The following ACSF2 variants were observed in gnomAD, a reference collection of about 807,000 sequenced individuals.
ACSF2 encodes the protein medium-chain acyl-CoA ligase ACSF2, mitochondrial.
ACSF2 carries 52 observed loss-of-function variants against 79.3 expected under a neutral mutation model. The observed-to-expected ratio is 0.66, with a 90% CI of 0.53 to 0.83. ACSF2 has a LOEUF of 0.83. Among genes scored for constraint, ACSF2 ranks in the 40% least tolerant of loss-of-function variants. The pLI is 0.00. For synonymous variants in ACSF2, 283 were observed against 312.6 expected, an observed-to-expected ratio of 0.91 and a Z score of 1.00; for missense variants, 661 against 803.3, an observed-to-expected ratio of 0.82 and a Z score of 2.14.
intron 10 of ACSF2, chr17:50,468,538 G>C: frequency 6.2e-7 from 1 of 1,614,254 alleles, no homozygotes; most frequent in Non-Finnish European, 8.5e-7. Flanking sequence ...GGAAGGCACC[G>C]GCGGCCACCT....
At chr17:50,468,435 A>C in intron 10 of ACSF2, 2 of 1,614,246 alleles carry the variant, frequency 1.2e-6, no homozygotes, top group Non-Finnish European at 1.7e-6. Flanking sequence ...AGGTAGAGGT[A>C]GGTCAGCTCG....
In ACSF2 at chr17:50,474,012, C is replaced by T; in HGVS notation, c.1728+8C>T. ...GCTTTCTGCAAAGGGAAGGTGGGAG[C>T]CTCCGCTCAACCTAGCTGATGCTGC... On this transcript the variant is annotated splice_region_variant and intron_variant, in intron 14 of 15. Transcript: ENST00000300441. This position sits in a 1 kb window ranked among gnomAD's most constrained non-coding sequence, Gnocchi z 4.2. The T allele has an allele frequency of 6.6e-7, 1 of 1,517,228 alleles. No individual in the cohort carries two copies. The highest frequency in any genetic ancestry group is 8.8e-7 in the Non-Finnish European group (1 of 1,132,052). The allele number at this position is 1,517,228 out of a possible 1,614,324, so 94.0% of individuals were successfully genotyped here. A position where few individuals can be genotyped will look rare whatever the true frequency, so the allele number is the denominator to read the frequency against.
At chr17:50,432,261 A>G (rs537640444) in intron 1 of ACSF2, among the ~76,000 whole-genome samples, 1 of 152,344 alleles carries the variant, frequency 6.6e-6, no homozygotes, top group African/African-American at 2.4e-5. Context: ...CCCATAAGAA[A>G]ATGCTTAACA....
intron 5 of ACSF2, 42 bp downstream of exon 5, chr17:50,462,344 T>G (rs752230148): frequency 2.5e-6 from 4 of 1,612,086 alleles, no homozygotes. Context: ...TCATTCAGCA[T>G]CCCTGATTCC....
Position 50,429,722 on chromosome 17 carries a change from T to C in ACSF2, c.128+3333T>C, listed in dbSNP as rs535047582. 9.1e-4 allele frequency among the ~76,000 whole-genome samples: 139 copies of C among 152,252 alleles called. 1 individual carries two copies. The highest frequency in any genetic ancestry group is 3.2e-3 in the African/African-American group (135 of 41,544). On this transcript the variant is annotated intron_variant, in intron 1 of 15. Transcript: ENST00000300441. ...TAGTGGAGATGGGGTTTCACCATGT[T>C]GGTCAGACTAGTCTCAAACTCCTGA...
chr17:50,426,258 A>G lies in ACSF2; in HGVS notation c.-4A>G. 1 of 1,373,890 alleles carries G rather than the reference A, an allele frequency of 7.3e-7. No individual in the cohort carries two copies. The highest frequency in any genetic ancestry group is 9.5e-7 in the Non-Finnish European group (1 of 1,056,656). 85.1% of individuals were successfully genotyped at this position (1,373,890 alleles called of 1,614,324 possible). On this transcript the variant is annotated 5_prime_UTR_variant, in exon 1 of 16. Coordinates refer to ENST00000300441, the MANE Select transcript of ACSF2 (RefSeq NM_025149.6). Reference sequence around the variant, plus strand: ...TCGGGCCGGGACGCAGGGCAAAGCGAGCCATGGCTGTCTACGTCGGGATGC... The same window carrying G: ...TCGGGCCGGGACGCAGGGCAAAGCGGGCCATGGCTGTCTACGTCGGGATGC...
intron 1 of ACSF2, among the ~76,000 whole-genome samples, chr17:50,431,099 G>T (rs552690392): frequency 1.3e-5 from 2 of 152,202 alleles, no homozygotes; most frequent in Non-Finnish European, 2.9e-5. Flanking sequence ...ATTTATGAAT[G>T]ATTTGGTAAC....
At chr17:50,429,591 G>C (rs1414817707) in intron 1 of ACSF2, among the ~76,000 whole-genome samples, 1 of 151,686 alleles carries the variant, frequency 6.6e-6, no homozygotes, top group African/African-American at 2.4e-5. Context: ...ATGATCTCAG[G>C]TCACTGTAAC....
chr17:50,440,321 C>T (rs1257305483), intron 1 of ACSF2, among the ~76,000 whole-genome samples: 1 of 152,222 alleles, frequency 6.6e-6, no homozygotes, highest in Non-Finnish European at 1.5e-5. Context: ...GTCCTTCATC[C>T]TCCCTCCCCA....
chr17:50,460,832 A>G lies in ACSF2; in HGVS notation c.284A>G (p.His95Arg). ...GAACGAGAGGCCTTGGTCGTCCTCC[A>G]TGAAGACGTCAGGTTGACCTTTGCC... ...VPEREALVVL[H>R]EDVRLTFAQL... Residue 95 changes from histidine to arginine, a missense_variant, in exon 2 of 16, where the codon CAT becomes CGT. His to Arg is a conservative substitution (Grantham distance 29). Coordinates refer to ENST00000300441, the MANE Select transcript of ACSF2 (RefSeq NM_025149.6). The G allele has an allele frequency of 2.5e-6, 4 of 1,611,734 alleles. No individual in the cohort carries two copies. The highest frequency in any genetic ancestry group is 2.2e-5 in the East Asian group (1 of 44,820).
At position 50,444,004 on chromosome 17, in the gene ACSF2, T is replaced by C. The variant is rs532597257; in HGVS notation, c.129-16673T>C. Among the ~76,000 whole-genome samples, 45 of 152,338 alleles carry C rather than the reference T, an allele frequency of 3.0e-4. 1 individual carries two copies. The South Asian group carries it at 8.9e-3, about 30-fold the overall frequency. On this transcript the variant is annotated intron_variant, in intron 1 of 15. Transcript: ENST00000300441. Reference sequence around the variant, plus strand: ...GCTGCAACTGCTTTCTAGTACTGCTTATGAATATTCTTTGACAAAAGTGCC... The same window carrying C: ...GCTGCAACTGCTTTCTAGTACTGCTCATGAATATTCTTTGACAAAAGTGCC...
intron 10 of ACSF2, chr17:50,468,394 C>T (rs775785724): frequency 1.2e-6 from 2 of 1,614,144 alleles, no homozygotes; most frequent in South Asian, 2.2e-5. Context: ...AGAGCAACCC[C>T]CGGGGCAGCT....
intron 1 of ACSF2, among the ~76,000 whole-genome samples, chr17:50,434,987 C>T (rs1328741632): frequency 1.3e-5 from 2 of 152,158 alleles, no homozygotes; most frequent in Non-Finnish European, 2.9e-5. Context: ...TCTCCTGCCT[C>T]AGCCTCCCAA....
chr17:50,448,416 GA>G (rs2031438487), intron 1 of ACSF2, among the ~76,000 whole-genome samples: 1 of 152,178 alleles, frequency 6.6e-6, no homozygotes, highest in Non-Finnish European at 1.5e-5. Flanking sequence ...AATGGGGTCT[GA>G]TAAGGTGTGA....
At chr17:50,442,575 C>A (rs1388491893) in intron 1 of ACSF2, among the ~76,000 whole-genome samples, 1 of 152,050 alleles carries the variant, frequency 6.6e-6, no homozygotes, top group African/African-American at 2.4e-5. Flanking sequence ...AATCAAACAT[C>A]CTGCCTTAGC....
chr17:50,442,325 A>ATTTT (rs34855383), intron 1 of ACSF2, among the ~76,000 whole-genome samples: 1 of 117,268 alleles, frequency 8.5e-6, no homozygotes, highest in African/African-American at 3.4e-5. Flanking sequence ...AAACAAAACA[A>ATTTT]TTTTTTTTTT....
At position 50,473,463 on chromosome 17, in the gene ACSF2, T is replaced by C. The variant is rs185013022; in HGVS notation, c.1476-202T>C. The C allele has an allele frequency of 1.6e-5, 10 of 618,106 alleles. No individual in the cohort carries two copies. The East Asian group carries it at 1.7e-4, about 11-fold the overall frequency. 38.3% of individuals were successfully genotyped at this position (618,106 alleles called of 1,614,324 possible). A position where few individuals can be genotyped will look rare whatever the true frequency, so the allele number is the denominator to read the frequency against. ...GTGTTGAGAGAGACAGAATATGTTA[T>C]AGGTATTGTTTTGTTTTTGTCTACC... On this transcript the variant is annotated intron_variant, in intron 12 of 15. Coordinates refer to ENST00000300441, the MANE Select transcript of ACSF2 (RefSeq NM_025149.6).
chr17:50,454,169 ATTTTTTTTTT>A (rs34569538), intron 1 of ACSF2, among the ~76,000 whole-genome samples: 2 of 113,074 alleles, frequency 1.8e-5, no homozygotes, highest in African/African-American at 7.5e-5. Flanking sequence ...ACCGTCCCAA[ATTTTTTTTTT>A]TTTTTTTTTT....
intron 1 of ACSF2, chr17:50,426,880 T>A (rs1915044754): frequency 6.5e-7 from 1 of 1,535,174 alleles, no homozygotes; most frequent in Non-Finnish European, 8.7e-7. Flanking sequence ...TGCCTACTCC[T>A]GGGCCTATTT....
Sources: gnomAD v4.1 joint callset for allele counts (sites outside exome capture counted in the v4.1 genomes callset) on GRCh38, gnomAD v4.1.1 for gene constraint, Gnocchi (gnomAD v3.1) non-coding constraint, MANE v1.5 for transcripts, NCBI Gene and HGNC (gene_info 2026-07-23, HGNC 2026-07-21) for gene names.